Variants in VIPR2 observed in about 807,000 individuals in gnomAD.
The protein encoded by VIPR2 is vasoactive intestinal polypeptide receptor 2.
A neutral mutation model predicts 58.0 loss-of-function variants in VIPR2; 48 were observed. That is an observed-to-expected ratio of 0.83 (90% confidence interval 0.66 to 1.05). The LOEUF (loss-of-function observed/expected upper bound fraction) is 1.05, where lower values mean the gene tolerates loss of function less well. VIPR2 is among the 50% of genes least tolerant of loss of function. The probability of loss-of-function intolerance (pLI) is 0.00; values close to 1 mark genes in which losing one functional copy is unlikely to be tolerated. For synonymous variants in VIPR2, 243 were observed against 235.2 expected (o/e 1.03, Z -0.30); for missense variants, 534 against 558.0 (o/e 0.96, Z 0.43).
intron 2 of VIPR2, among the ~76,000 whole-genome samples, chr7:159,140,664 CA>C (rs1434619212): frequency 6.6e-6 from 1 of 152,236 alleles, no homozygotes; most frequent in Non-Finnish European, 1.5e-5. Context: ...ACAAGTTTCC[CA>C]ACCAACGCTG....
chr7:159,112,461 C>T (rs1239859983), intron 2 of VIPR2, among the ~76,000 whole-genome samples: 2 of 152,376 alleles, frequency 1.3e-5, no homozygotes, highest in East Asian at 3.9e-4. Context: ...TCTCTCTCAG[C>T]TTCTCAACCT....
chr7:159,088,415 G>T (rs6951368), intron 4 of VIPR2, among the ~76,000 whole-genome samples: 1 of 150,896 alleles, frequency 6.6e-6, no homozygotes, highest in South Asian at 2.1e-4. Flanking sequence ...CTGTTCATCC[G>T]CACACATGCT....
intron 4 of VIPR2, among the ~76,000 whole-genome samples, chr7:159,101,649 C>T (rs56323727): frequency 2.2e-5 from 2 of 90,276 alleles, no homozygotes; most frequent in African/African-American, 8.6e-5. Flanking sequence ...CCGACGAGGC[C>T]GTTCCCCCGA....
At chr7:159,081,747 A>T (rs1317686397) in intron 4 of VIPR2, among the ~76,000 whole-genome samples, 1 of 152,228 alleles carries the variant, frequency 6.6e-6, no homozygotes, top group Non-Finnish European at 1.5e-5. Flanking sequence ...TCCAGAATCT[A>T]CAATGAACTC....
intron 5 of VIPR2, among the ~76,000 whole-genome samples, chr7:159,047,446 A>C (rs999160612): frequency 1.3e-5 from 2 of 152,220 alleles, no homozygotes; most frequent in Non-Finnish European, 2.9e-5. Context: ...TTATGGTGTA[A>C]ATATTTTTTC....
chr7:159,087,578 A>C (rs1387619036), intron 4 of VIPR2, among the ~76,000 whole-genome samples: 4 of 129,742 alleles, frequency 3.1e-5, no homozygotes, highest in African/African-American at 5.7e-5. Context: ...CTTCCCAACA[A>C]ACAATAACCA....
In VIPR2 at chr7:159,095,449, G is replaced by A. The variant is rs1005407808; in HGVS notation, c.357+8308C>T. On this transcript the variant is annotated intron_variant, in intron 4 of 12. Coordinates refer to ENST00000262178, the MANE Select transcript of VIPR2 (RefSeq NM_003382.5). This position sits in a 1 kb window ranked among gnomAD's most constrained non-coding sequence, Gnocchi z 5.2. ...CAAAACAGCTGCTAAGAAAGATACA[G>A]CAGAGAGAATGTGACAACTGAGTTT... is the stretch of plus-strand genomic sequence containing the variant. Among the ~76,000 whole-genome samples, 1 of 152,212 alleles carries A rather than the reference G, an allele frequency of 6.6e-6. No homozygotes were observed. Among genetic ancestry groups the A allele is most frequent in the South Asian group, 2.1e-4 (1 of 4,834 alleles).
At chr7:159,094,854 C>CT (rs1211561692) in intron 4 of VIPR2, among the ~76,000 whole-genome samples, 1 of 152,148 alleles carries the variant, frequency 6.6e-6, no homozygotes, top group Non-Finnish European at 1.5e-5. Flanking sequence ...ACATTTGGAG[C>CT]TTTTTATCCC....
intron 4 of VIPR2, among the ~76,000 whole-genome samples, chr7:159,102,953 T>C (rs1858392490): frequency 6.6e-6 from 1 of 152,190 alleles, no homozygotes; most frequent in Non-Finnish European, 1.5e-5. Context: ...CACACGGTGC[T>C]GCCAGGGCTG....
chr7:159,096,898 G>A lies in VIPR2; in HGVS notation c.357+6859C>T, dbSNP rs1857884470. The A allele has an allele frequency of 1.3e-6, 2 of 1,550,388 alleles. No individual in the cohort carries two copies. Among genetic ancestry groups the A allele is most frequent in the Middle Eastern group, 1.7e-4 (1 of 5,864 alleles). On this transcript the variant is annotated intron_variant, in intron 4 of 12. Transcript: ENST00000262178. The surrounding 1 kb of genome is among the most constrained non-coding windows in gnomAD (Gnocchi z 5.5). ...CCACCCTCTCTGTGGCCGCCTTGCTGTCCCCGTTCCCATCACTCGATGAGC... is the reference window on the plus strand; with the variant it reads ...CCACCCTCTCTGTGGCCGCCTTGCTATCCCCGTTCCCATCACTCGATGAGC...
At chr7:159,054,707 C>T (rs145953363) in intron 5 of VIPR2, among the ~76,000 whole-genome samples, 132 of 152,300 alleles carry the variant, frequency 8.7e-4, no homozygotes, top group African/African-American at 2.9e-3. Context: ...TCCTGCCCTG[C>T]TAGTGGGTGT....
chr7:159,047,262 A>C (rs1312752354), intron 5 of VIPR2, among the ~76,000 whole-genome samples: 2 of 152,206 alleles, frequency 1.3e-5, no homozygotes, highest in East Asian at 3.8e-4. Context: ...CAAACAAAAA[A>C]ACTATAAAGG....
In VIPR2 at chr7:159,097,231, G is replaced by C; in HGVS notation, c.357+6526C>G. 7.1e-7 allele frequency: 1 copy of C among 1,409,068 alleles called. No individual in the cohort carries two copies. The highest frequency in any genetic ancestry group is 9.3e-7 in the Non-Finnish European group (1 of 1,080,352). 87.3% of individuals were successfully genotyped at this position (1,409,068 alleles called of 1,614,324 possible). A position where few individuals can be genotyped will look rare whatever the true frequency, so the allele number is the denominator to read the frequency against. ...CCATCAGTGGGAACGAGTCACTGCG[G>C]TGGCCTGAGTGCTGGAGGAGGGCAG... On this transcript the variant is annotated intron_variant, in intron 4 of 12. Coordinates refer to ENST00000262178, the MANE Select transcript of VIPR2 (RefSeq NM_003382.5). This position sits in a 1 kb window ranked among gnomAD's most constrained non-coding sequence, Gnocchi z 5.3.
chr7:159,068,457 G>A (rs890734826), intron 4 of VIPR2, among the ~76,000 whole-genome samples: 3 of 152,218 alleles, frequency 2.0e-5, no homozygotes, highest in Non-Finnish European at 4.4e-5. Context: ...AGCCAACAGC[G>A]AGGGCTCAAT....
intron 4 of VIPR2, 108 bp from the exon 5 acceptor site, chr7:159,058,686 C>T: frequency 2.4e-6 from 2 of 840,138 alleles, no homozygotes; most frequent in South Asian, 1.6e-5. Flanking sequence ...GGACTCTTGC[C>T]TGCCTGGAAG....
intron 5 of VIPR2, among the ~76,000 whole-genome samples, chr7:159,052,038 G>GA (rs1855043486): frequency 6.6e-6 from 1 of 152,092 alleles, no homozygotes; most frequent in Admixed American, 6.5e-5. Flanking sequence ...ACATAACCAA[G>GA]AACTGCATAA....
intron 2 of VIPR2, 131 bp downstream of exon 2, chr7:159,142,315 A>G: frequency 1.5e-6 from 1 of 663,546 alleles, no homozygotes. Flanking sequence ...TTAACAAACA[A>G]TGGGAAGTGG....
At position 159,101,747 on chromosome 7, in the gene VIPR2, C is replaced by T. The variant is rs190963956; in HGVS notation, c.357+2010G>A. Among the ~76,000 whole-genome samples, 978 of 142,610 alleles carry T rather than the reference C, an allele frequency of 6.9e-3. 21 individuals carry two copies. Among genetic ancestry groups the T allele is most frequent in the African/African-American group, 0.024 (889 of 36,712 alleles). 93.6% of individuals were successfully genotyped at this position (142,610 alleles called of 152,430 possible). The stretch of plus-strand genomic sequence containing the variant: ...GGTAGTGAATGAGTCTCACGAGATC[C>T]GACGAGGCGGTTCCGACTGTTCCTG... On this transcript the variant is annotated intron_variant, in intron 4 of 12. Transcript: ENST00000262178.
chr7:159,132,800 C>G (rs13241459), intron 2 of VIPR2, among the ~76,000 whole-genome samples: 2,752 of 44,400 alleles, frequency 0.062, 109 homozygotes, highest in African/African-American at 0.21. Context: ...AGACTGATTT[C>G]AGACAGAATG....
Sources: gnomAD v4.1 joint callset for allele counts (sites outside exome capture counted in the v4.1 genomes callset) on GRCh38, gnomAD v4.1.1 for gene constraint, Gnocchi (gnomAD v3.1) non-coding constraint, MANE v1.5 for transcripts, NCBI Gene and HGNC (gene_info 2026-07-23, HGNC 2026-07-21) for gene names.